Variants in XRCC5 observed in about 807,000 individuals in gnomAD.
XRCC5 encodes the protein DNA repair protein Ku80.
A neutral mutation model predicts 95.7 loss-of-function variants in XRCC5; 12 were observed. The observed-to-expected ratio is 0.13, with a 90% confidence interval of 0.08 to 0.20. The LOEUF is 0.20. Among genes scored for constraint, XRCC5 ranks in the 10% least tolerant of loss-of-function variants. The pLI is 1.00. For missense variants in XRCC5, 595 were observed against 873.9 expected, an observed-to-expected ratio of 0.68 and a Z score of 4.02; for synonymous variants, 281 against 290.3, an observed-to-expected ratio of 0.97 and a Z score of 0.33.
At chr2:216,163,837 A>T (rs1265212753) in intron 16 of XRCC5, among the ~76,000 whole-genome samples, 10 of 152,244 alleles carry the variant, frequency 6.6e-5, no homozygotes, top group African/African-American at 2.2e-4. Context: ...CAGCTTCGTT[A>T]TCACAGTAAT....
intron 1 of XRCC5, 108 bp from the exon 2 acceptor site, chr2:216,112,908 C>A: frequency 1.2e-6 from 1 of 836,118 alleles, no homozygotes; most frequent in Non-Finnish European, 1.9e-6. Flanking sequence ...TTTTTCACAC[C>A]TTTCCTAAAT....
chr2:216,180,720 A>G (rs190974290), intron 16 of XRCC5, among the ~76,000 whole-genome samples: 2 of 152,194 alleles, frequency 1.3e-5, no homozygotes, highest in African/African-American at 4.8e-5. Context: ...AAGGAAGGCA[A>G]CCACCTAAGT....
At chr2:216,152,362 C>T (rs1688759762) in intron 14 of XRCC5, among the ~76,000 whole-genome samples, 1 of 152,000 alleles carries the variant, frequency 6.6e-6, no homozygotes, top group African/African-American at 2.4e-5. Context: ...ATTGCTTGAA[C>T]CTAGGAGGCG....
Position 216,125,905 on chromosome 2 carries a change from T to A in XRCC5, c.684-12T>A. 8 of 1,604,124 alleles carry A rather than the reference T, an allele frequency of 5.0e-6. No individual in the cohort carries two copies. The highest frequency in any genetic ancestry group is 6.8e-6 in the Non-Finnish European group (8 of 1,171,632). Reference sequence around the variant, plus strand: ...AAATTGTTGCTTTCATTTTATATTTTTCTTTATTAAGTGAGAGTCTGAGAA... The same window carrying A: ...AAATTGTTGCTTTCATTTTATATTTATCTTTATTAAGTGAGAGTCTGAGAA... On this transcript the variant is annotated splice_polypyrimidine_tract_variant and intron_variant, in intron 6 of 20. Coordinates refer to ENST00000392132, the MANE Select transcript of XRCC5 (RefSeq NM_021141.4).
At chr2:216,110,272 T>C (rs930964466) in intron 1 of XRCC5, among the ~76,000 whole-genome samples, 4 of 150,786 alleles carry the variant, frequency 2.7e-5, no homozygotes, top group Admixed American at 2.0e-4. Context: ...CATAAAAGAG[T>C]GGTAGTTGTC....
At chr2:216,127,735 C>T in intron 8 of XRCC5, 61 bp downstream of exon 8, 2 of 1,487,554 alleles carry the variant, frequency 1.3e-6, no homozygotes, top group Non-Finnish European at 1.8e-6. Flanking sequence ...TGATGTGATG[C>T]AGGCTGGGGT....
intron 17 of XRCC5, 138 bp from the exon 18 acceptor site, chr2:216,192,501 C>G: frequency 2.0e-6 from 1 of 500,224 alleles, no homozygotes; most frequent in Non-Finnish European, 3.5e-6. Flanking sequence ...ATGCCAGCTT[C>G]CCATGTACCA....
chr2:216,181,059 C>T (rs1423925482), intron 16 of XRCC5, among the ~76,000 whole-genome samples: 2 of 151,944 alleles, frequency 1.3e-5, no homozygotes, highest in Non-Finnish European at 2.9e-5. Flanking sequence ...ATCATCCACC[C>T]GCCTCGGCCT....
At chr2:216,133,504 G>C (rs1003229542) in intron 10 of XRCC5, among the ~76,000 whole-genome samples, 1 of 152,118 alleles carries the variant, frequency 6.6e-6, no homozygotes, top group African/African-American at 2.4e-5. Context: ...TCCACTTACT[G>C]TCTCTTTATG....
At position 216,156,249 on chromosome 2, in the gene XRCC5, C is replaced by T. The variant is rs1247514968; in HGVS notation, c.1671-3819C>T. The T allele has an allele frequency of 6.1e-6, 3 of 494,644 alleles. No homozygotes were observed. The East Asian group carries it at 1.5e-4, about 25-fold the overall frequency. 30.6% of individuals were successfully genotyped at this position (494,644 alleles called of 1,614,324 possible). ...TGAGGCCATAGGTTAAGTTTCCTTT[C>T]AGTCATTCCAAGGAGAATCAGCATG... On this transcript the variant is annotated intron_variant, in intron 14 of 20. Transcript: ENST00000392132.
At chr2:216,130,605 G>A (rs1173996083) in intron 8 of XRCC5, 1 of 274,256 alleles carries the variant, frequency 3.6e-6, no homozygotes, top group African/African-American at 2.2e-5. Flanking sequence ...TTTTAGGCTG[G>A]GTAATCATTG....
At chr2:216,166,956 G>T (rs542706428) in intron 16 of XRCC5, among the ~76,000 whole-genome samples, 1 of 152,222 alleles carries the variant, frequency 6.6e-6, no homozygotes, top group Non-Finnish European at 1.5e-5. Context: ...ATAATGAGAC[G>T]ATTCTCTTTC....
chr2:216,197,141 A>G (rs186755553), intron 19 of XRCC5, among the ~76,000 whole-genome samples: 1 of 152,340 alleles, frequency 6.6e-6, no homozygotes, highest in Admixed American at 6.5e-5. Context: ...TGCACTTGCA[A>G]ATTGTGCAAG....
At chr2:216,165,471 C>T (rs774143740) in intron 16 of XRCC5, among the ~76,000 whole-genome samples, 1 of 152,196 alleles carries the variant, frequency 6.6e-6, no homozygotes, top group Non-Finnish European at 1.5e-5. Context: ...ACTTGGCTTC[C>T]GTTTTATCCC....
intron 16 of XRCC5, among the ~76,000 whole-genome samples, chr2:216,186,637 GATGGCCCTTCCA>G (rs1053906134): frequency 6.6e-6 from 1 of 152,186 alleles, no homozygotes; most frequent in Non-Finnish European, 1.5e-5. Context: ...TCCTAAGATG[GATGGCCCTTCCA>G]ATGGCCATTT....
At chr2:216,147,293 G>T (rs944939462) in intron 13 of XRCC5, among the ~76,000 whole-genome samples, 1 of 152,178 alleles carries the variant, frequency 6.6e-6, no homozygotes, top group African/African-American at 2.4e-5. Context: ...CGAAGCAGGA[G>T]CCCAGCCTAT....
intron 14 of XRCC5, among the ~76,000 whole-genome samples, chr2:216,158,078 C>G (rs984976995): frequency 1.3e-5 from 2 of 152,162 alleles, no homozygotes; most frequent in Admixed American, 6.5e-5. Context: ...GTGTATGTGT[C>G]TGTTTACCCT....
chr2:216,113,395 T>C (rs1696630351), intron 2 of XRCC5, among the ~76,000 whole-genome samples: 1 of 152,182 alleles, frequency 6.6e-6, no homozygotes, highest in African/African-American at 2.4e-5. Context: ...AAAAGCACAA[T>C]CTCTAGAGAC....
intron 2 of XRCC5, among the ~76,000 whole-genome samples, chr2:216,116,055 T>A (rs1015462345): frequency 5.9e-5 from 9 of 152,240 alleles, no homozygotes; most frequent in African/African-American, 1.9e-4. Flanking sequence ...TGTTGATACG[T>A]GTTGCACAAA....
Sources: gnomAD v4.1 joint callset for allele counts (sites outside exome capture counted in the v4.1 genomes callset) on GRCh38, gnomAD v4.1.1 for gene constraint, MANE v1.5 for transcripts, NCBI Gene and HGNC (gene_info 2026-07-23, HGNC 2026-07-21) for gene names.